The following MIPOL1 variants were observed in gnomAD, a reference collection of about 807,000 sequenced individuals.
The protein encoded by MIPOL1 is mirror-image polydactyly 1.
MIPOL1 carries 57 observed loss-of-function variants against 60.9 expected under a neutral mutation model. That is an observed-to-expected ratio of 0.94 (90% CI 0.76 to 1.17). The LOEUF (loss-of-function observed/expected upper bound fraction) is 1.17. MIPOL1 is among the 50% of genes most tolerant of loss of function. The probability of loss-of-function intolerance (pLI) is 0.00; values close to 1 mark genes in which losing one functional copy is unlikely to be tolerated. For missense variants in MIPOL1, 551 were observed against 511.6 expected, an observed-to-expected ratio of 1.08 and a Z score of -0.74; for synonymous variants, 179 against 168.8, an observed-to-expected ratio of 1.06 and a Z score of -0.47.
chr14:37,447,547 G>A (rs939492235), intron 11 of MIPOL1, among the ~76,000 whole-genome samples: 11 of 152,102 alleles, frequency 7.2e-5, no homozygotes, highest in African/African-American at 2.7e-4. Flanking sequence ...ATAGCTCCCT[G>A]AGGCACTCAC....
chr14:37,270,436 C>G lies in MIPOL1; in HGVS notation c.404C>G (p.Ala135Gly). ...TSNKKLQQKL[A>G]KEDKEQRKLK... The stretch of plus-strand genomic sequence containing the variant: ...GTGCTTTAGCTTCAGCAGAAATTGG[C>G]TAAAGAAGATAAAGAACAGAGAAAA... Residue 135 changes from alanine to glycine, a missense_variant, in exon 6 of 13, where the codon GCT becomes GGT. Transcript: ENST00000684589. 3 of 1,582,038 alleles carry G rather than the reference C, an allele frequency of 1.9e-6. No homozygotes were observed. The highest frequency in any genetic ancestry group is 2.6e-6 in the Non-Finnish European group (3 of 1,162,738).
intron 11 of MIPOL1, among the ~76,000 whole-genome samples, chr14:37,471,443 C>T (rs1566664257): frequency 6.6e-6 from 1 of 152,118 alleles, no homozygotes; most frequent in Non-Finnish European, 1.5e-5. Flanking sequence ...AATTCCAAAG[C>T]TATCCTACTC....
chr14:37,418,921 CTT>C (rs2093819683), intron 10 of MIPOL1, among the ~76,000 whole-genome samples: 1 of 151,902 alleles, frequency 6.6e-6, no homozygotes, highest in African/African-American at 2.4e-5. Flanking sequence ...CCATATAAAA[CTT>C]TATATAGCTA....
intron 3 of MIPOL1, among the ~76,000 whole-genome samples, chr14:37,256,675 C>G (rs552338234): frequency 6.6e-6 from 1 of 151,760 alleles, no homozygotes; most frequent in East Asian, 1.9e-4. Context: ...CTGCACTAGC[C>G]CAGGTAAGAA....
At chr14:37,440,037 A>G (rs1409716589) in intron 11 of MIPOL1, among the ~76,000 whole-genome samples, 1 of 152,054 alleles carries the variant, frequency 6.6e-6, no homozygotes, top group Non-Finnish European at 1.5e-5. Context: ...TGTGAAGACA[A>G]GGTCTCACTA....
At chr14:37,328,376 C>A (rs760831715) in intron 9 of MIPOL1, among the ~76,000 whole-genome samples, 1 of 152,044 alleles carries the variant, frequency 6.6e-6, no homozygotes, top group African/African-American at 2.4e-5. Flanking sequence ...CACAGTGTCA[C>A]AGATGAGAAG....
intron 9 of MIPOL1, among the ~76,000 whole-genome samples, chr14:37,355,612 A>C (rs866945083): frequency 0.38 from 42,576 of 113,348 alleles, 9,731 homozygotes; most frequent in Non-Finnish European, 0.51. Context: ...ATTTCTTTTT[A>C]TTCTTTTTTC....
chr14:37,521,893 AAT>A (rs1555367649), intron 12 of MIPOL1, among the ~76,000 whole-genome samples: 4 of 123,576 alleles, frequency 3.2e-5, no homozygotes, highest in South Asian at 3.1e-4. Flanking sequence ...AAGAAAAAAA[AAT>A]ATATATATAT....
At position 37,353,514 on chromosome 14, in the gene MIPOL1, C is replaced by T. The variant is rs1021820763; in HGVS notation, c.829-16003C>T. Among the ~76,000 whole-genome samples the T allele has an allele frequency of 1.1e-4, 16 of 152,160 alleles. No homozygotes were observed. In the East Asian group the frequency reaches 1.2e-3, roughly 11 times the overall value. On this transcript the variant is annotated intron_variant, in intron 9 of 12. Coordinates refer to ENST00000684589, the MANE Select transcript of MIPOL1 (RefSeq NM_001388067.1). ...TCCTCATTGTACCTCTGGTAGAATT[C>T]GGCTGTGAATCCATCTGGTCCTGGA...
chr14:37,549,482 G>A lies in MIPOL1; in HGVS notation c.*2511G>A, dbSNP rs1471269750. ...TTATTATTATATTCATTCTACAGAT[G>A]AGGAAACAGACTCAGTAAGCCTTGG... On this transcript the variant is annotated 3_prime_UTR_variant, in exon 13 of 13. Coordinates refer to ENST00000684589, the MANE Select transcript of MIPOL1 (RefSeq NM_001388067.1). The A allele has an allele frequency of 6.6e-6, 1 of 151,668 alleles. No homozygotes were observed. The highest frequency in any genetic ancestry group is 1.5e-5 in the Non-Finnish European group (1 of 67,760). The allele number at this position is 151,668 out of a possible 1,614,324, so 9.4% of individuals were successfully genotyped here.
chr14:37,280,199 T>C (rs1331397037), intron 6 of MIPOL1, among the ~76,000 whole-genome samples: 1 of 152,196 alleles, frequency 6.6e-6, no homozygotes, highest in Non-Finnish European at 1.5e-5. Flanking sequence ...TTGTACCACA[T>C]TAAAAAAACT....
intron 9 of MIPOL1, among the ~76,000 whole-genome samples, chr14:37,332,129 C>T (rs1426271690): frequency 6.6e-6 from 1 of 151,488 alleles, no homozygotes; most frequent in Admixed American, 6.6e-5. Context: ...CAGAGCGAGA[C>T]TCCTCTCAAA....
intron 9 of MIPOL1, among the ~76,000 whole-genome samples, chr14:37,331,522 T>G (rs2089680467): frequency 6.6e-6 from 1 of 151,558 alleles, no homozygotes; most frequent in Non-Finnish European, 1.5e-5. Context: ...TTTATTTTAT[T>G]TTTCACTATT....
intron 9 of MIPOL1, among the ~76,000 whole-genome samples, chr14:37,320,147 T>A (rs1950525): frequency 0.95 from 144,006 of 152,222 alleles, 68,451 homozygotes; most frequent in East Asian, 1. Context: ...TGGCGGGCCT[T>A]AGCATTTATT....
chr14:37,366,250 G>T (rs1207278669), intron 9 of MIPOL1, among the ~76,000 whole-genome samples: 2 of 151,642 alleles, frequency 1.3e-5, no homozygotes, highest in Non-Finnish European at 2.9e-5. Flanking sequence ...TTGTTAGGTT[G>T]TTTGTTTGAG....
Position 37,547,169 on chromosome 14 carries a change from T to C in MIPOL1, c.*198T>C. 2 of 548,240 alleles carry C rather than the reference T, an allele frequency of 3.6e-6. No homozygotes were observed. Among genetic ancestry groups the C allele is most frequent in the South Asian group, 2.6e-5 (1 of 38,384 alleles). The allele number at this position is 548,240 out of a possible 1,614,324, so 34.0% of individuals were successfully genotyped here. A position where few individuals can be genotyped will look rare whatever the true frequency, so the allele number is the denominator to read the frequency against. On this transcript the variant is annotated 3_prime_UTR_variant, in exon 13 of 13. Transcript: ENST00000684589. ...TGCTGACTTGAGTTATTTATCCAAA[T>C]ATATTAACTATAGACTTTTACCAAT... is the stretch of plus-strand genomic sequence containing the variant.
At chr14:37,256,901 G>A (rs12436023) in intron 3 of MIPOL1, among the ~76,000 whole-genome samples, 2 of 151,704 alleles carry the variant, frequency 1.3e-5, no homozygotes, top group Admixed American at 1.3e-4. Context: ...ACTTTTCTGA[G>A]GCTTTATTTT....
chr14:37,363,413 A>G (rs1313222902), intron 9 of MIPOL1, among the ~76,000 whole-genome samples: 3 of 152,104 alleles, frequency 2.0e-5, no homozygotes, highest in Non-Finnish European at 1.5e-5. Flanking sequence ...TCCACTCCAG[A>G]CCCTGTTTGC....
At chr14:37,283,319 G>A (rs770615877) in intron 6 of MIPOL1, among the ~76,000 whole-genome samples, 1 of 151,934 alleles carries the variant, frequency 6.6e-6, no homozygotes, top group Non-Finnish European at 1.5e-5. Context: ...CACCTGCCTC[G>A]GCCTCCCAAA....
Sources: allele counts gnomAD v4.1 joint callset (sites outside exome capture counted in the v4.1 genomes callset), GRCh38; gene constraint gnomAD v4.1.1; transcripts MANE v1.5; gene names NCBI Gene and HGNC (gene_info 2026-07-23, HGNC 2026-07-21).